FASN: variants seen among roughly 807,000 people sequenced by gnomAD.
FASN encodes 3-hydroxyacyl-[acyl-carrier-protein] dehydratase.
A neutral mutation model predicts 250.0 loss-of-function variants in FASN; 50 were observed. The ratio of observed to expected loss-of-function variants is 0.20; its 90% CI spans 0.16 to 0.25. The LOEUF (loss-of-function observed/expected upper bound fraction) is 0.25. Among genes scored for constraint, FASN ranks in the 10% least tolerant of loss-of-function variants. The probability of loss-of-function intolerance (pLI) is 1.00; values close to 1 mark genes in which losing one functional copy is unlikely to be tolerated. For missense variants in FASN, 3,031 were observed against 3,498.5 expected (o/e 0.87, Z 3.37); for synonymous variants, 1,909 against 1,584.0 (o/e 1.21, Z -4.87).
rs760239419 is a variant in FASN, at chr17:82,092,607, G to T, written c.895-18C>A. ...TCGCCCACCTGTGGGAAACATGGGG[G>T]GTGAGGGGCTCTGGCCAGGTCACCT... On this transcript the variant is annotated intron_variant, in intron 7 of 42. Transcript: ENST00000306749. The T allele has an allele frequency of 1.9e-6, 3 of 1,605,132 alleles. No homozygotes were observed. The highest frequency in any genetic ancestry group is 2.2e-5 in the East Asian group (1 of 44,860).
chr17:82,085,436 G>A, intron 23 of FASN, 34 bp from the exon 24 acceptor site: 1 of 1,600,062 alleles, frequency 6.2e-7, no homozygotes, highest in Non-Finnish European at 8.5e-7. Flanking sequence ...CTGCCCGCCT[G>A]GCCCTCACCC....
In FASN at chr17:82,082,159, C is replaced by A; in HGVS notation, c.6013G>T (p.Val2005Leu). The A allele has an allele frequency of 6.2e-7, 1 of 1,602,844 alleles. No homozygotes were observed. The highest frequency in any genetic ancestry group is 8.5e-7 in the Non-Finnish European group (1 of 1,179,920). The stretch of plus-strand genomic sequence containing the variant: ...AGCTCAGGGCACGCCTCTCGGGTCA[C>A]CCTGTGGGCACGCGTGTCACTCCCC... ...KYSGTLNLDR[V>L]TREACPELDY... is the part of the protein sequence containing the mutation. Residue 2005 changes from valine (V) to leucine (L), a missense_variant and splice_region_variant, in exon 36 of 43, where the codon GTG becomes TTG. Coordinates refer to ENST00000306749, the MANE Select transcript of FASN (RefSeq NM_004104.5).
In FASN at chr17:82,085,822, C is replaced by A; in HGVS notation, c.3782G>T (p.Ser1261Ile). 1.3e-6 allele frequency: 2 copies of A among 1,556,804 alleles called. No homozygotes were observed. Among genetic ancestry groups the A allele is most frequent in the African/African-American group, 1.3e-5 (1 of 74,132 alleles). ...GCTCAGCTGCAGCAGGGGATGGGGG[C>A]TGAGCAGGCCTGGGATGCGGGAATA... ...HLYSRIPGLL[S>I]PHPLLQLSYT... Residue 1261 changes from serine to isoleucine, a missense_variant, in exon 23 of 43, where the codon AGC becomes ATC. Transcript: ENST00000306749.
At chr17:82,095,055 C>CCCAGCA (rs2034280626) in intron 3 of FASN, among the ~76,000 whole-genome samples, 2 of 152,188 alleles carry the variant, frequency 1.3e-5, no homozygotes, top group African/African-American at 2.4e-5. Flanking sequence ...CGGCCCCGGC[C>CCCAGCA]CCAGCACCAG....
chr17:82,094,384 G>C (rs1458185054), intron 3 of FASN, among the ~76,000 whole-genome samples: 3 of 151,834 alleles, frequency 2.0e-5, no homozygotes, highest in Admixed American at 2.0e-4. Context: ...TGGTGGGCTG[G>C]CTCTGCCCTA....
chr17:82,087,900 G>T (rs369288933), intron 18 of FASN, 39 bp from the exon 19 acceptor site: 10 of 1,611,966 alleles, frequency 6.2e-6, no homozygotes, highest in African/African-American at 1.3e-5. Context: ...GAGGACGGGC[G>T]GCATGGCCAG....
At chr17:82,098,032 C>A in intron 1 of FASN, 89 bp downstream of exon 1, 1 of 314,870 alleles carries the variant, frequency 3.2e-6, no homozygotes, top group Non-Finnish European at 5.8e-6. Context: ...GCCCCGAGAG[C>A]GGAGGATGAG....
At position 82,092,901 on chromosome 17, in the gene FASN, C is replaced by T. The variant is rs535821903; in HGVS notation, c.774G>A (p.Glu258=). 3.0e-5 allele frequency: 48 copies of T among 1,601,844 alleles called. No homozygotes were observed. The highest frequency in any genetic ancestry group is 2.7e-4 in the East Asian group (12 of 44,418). The change falls in exon 6 of 43, where the codon GAG becomes GAA. Residue 258 remains glutamate (E), a synonymous_variant. Transcript: ENST00000306749. ...CGGAACCCCGGCAGAGCCCACCTTGCTCCTTGAAGCCATCTGTATTGGTGC... is the reference window on the plus strand; with the variant it reads ...CGGAACCCCGGCAGAGCCCACCTTGTTCCTTGAAGCCATCTGTATTGGTGC... ...NAGTNTDGFK[E]QGVTFPSGDI... is the part of the protein sequence containing the mutation.
In FASN at chr17:82,085,084, C is replaced by T; in HGVS notation, c.4360G>A (p.Val1454Met). 6.2e-7 allele frequency: 1 copy of T among 1,612,576 alleles called. No individual in the cohort carries two copies. The highest frequency in any genetic ancestry group is 8.5e-7 in the Non-Finnish European group (1 of 1,179,862). The change falls in exon 25 of 43, where the codon GTG becomes ATG. Residue 1454 changes from valine to methionine, a missense_variant. Val to Met is a conservative substitution (Grantham distance 21, BLOSUM62 1). Transcript: ENST00000306749. ...CGGCGGAGACAGTTCACCAAGCCCA[C>T]CACGCCCGAGGTGGCACAGTTGATG... ...KAINCATSGV[V>M]GLVNCLRREP... is the part of the protein sequence containing the mutation.
At chr17:82,081,491 TG>T (rs2144781391) in intron 37 of FASN, 109 bp downstream of exon 37, 1 of 1,589,076 alleles carries the variant, frequency 6.3e-7, no homozygotes, top group South Asian at 1.1e-5. Context: ...GCCCGCACCC[TG>T]GCTCTGCAGA....
Position 82,095,360 on chromosome 17 carries a change from C to T in FASN, c.240G>A (p.Arg80=). 6.2e-7 allele frequency: 1 copy of T among 1,612,974 alleles called. No individual in the cohort carries two copies. Among genetic ancestry groups the T allele is most frequent in the Non-Finnish European group, 8.5e-7 (1 of 1,180,030 alleles). Residue 80 remains arginine, a synonymous_variant, in exon 3 of 43, where the codon CGG becomes CGA. Transcript: ENST00000306749. ...CTTCATAGGTGACTTCCAGCAGCAG[C>T]CGCAGCTGAGGGTCCATCGTGTGTG... The part of the protein sequence containing the change: ...KQAHTMDPQL[R]LLLEVTYEAI...
At chr17:82,097,007 AC>A (rs2034316060) in intron 1 of FASN, 1 of 209,618 alleles carries the variant, frequency 4.8e-6, no homozygotes, top group Non-Finnish European at 9.9e-6. Context: ...ACCCATGCTC[AC>A]CCGTGTTGGG....
rs1217807829 is a variant in FASN, at chr17:82,088,002, C to T, written c.2818G>A (p.Ala940Thr). ...TVSLEVRLLE[A>T]SRAFEVSENG... ...TCTGACACCTCGAAGGCACGGGAGG[C>T]CTCCAGGAGCCGTACCTCCAGGGAC... Residue 940 changes from alanine (A) to threonine (T), a missense_variant, in exon 18 of 43, where the codon GCC becomes ACC. Physicochemically the swap from Ala to Thr is moderately conservative, Grantham distance 58. Transcript: ENST00000306749. 3 of 1,612,774 alleles carry T rather than the reference C, an allele frequency of 1.9e-6. No individual in the cohort carries two copies. Among genetic ancestry groups the T allele is most frequent in the Non-Finnish European group, 2.5e-6 (3 of 1,179,964 alleles).
At chr17:82,084,745 C>A in intron 26 of FASN, 29 bp from the exon 27 acceptor site, 1 of 1,550,116 alleles carries the variant, frequency 6.5e-7, no homozygotes, top group African/African-American at 1.4e-5. Flanking sequence ...GGGGCTGCTG[C>A]GGGGCCTTCG....
intron 34 of FASN, 46 bp downstream of exon 34, chr17:82,082,481 C>T: frequency 6.2e-7 from 1 of 1,611,226 alleles, no homozygotes; most frequent in Non-Finnish European, 8.5e-7. Flanking sequence ...GGGTCCCCCC[C>T]TTGGTCTTGG....
chr17:82,089,203 G>A, intron 13 of FASN, 31 bp from the exon 14 acceptor site: 2 of 1,604,220 alleles, frequency 1.2e-6, no homozygotes. Flanking sequence ...GTGCTGGGTT[G>A]TGGGTCCCCT....
intron 12 of FASN, 34 bp downstream of exon 12, chr17:82,089,598 G>A (rs774728441): frequency 1.3e-6 from 2 of 1,566,696 alleles, no homozygotes; most frequent in African/African-American, 1.4e-5. Flanking sequence ...CAGGCGCAGG[G>A]GACAGAGGAG....
rs1458728714 is a variant in FASN, at chr17:82,088,156, C to T, written c.2745G>A (p.Glu915=). 1.2e-6 allele frequency: 2 copies of T among 1,612,810 alleles called. No individual in the cohort carries two copies. The highest frequency in any genetic ancestry group is 1.7e-6 in the Non-Finnish European group (2 of 1,179,988). The part of the protein sequence containing the change: ...LGVEQLPVVF[E]DVVLHQATIL... ...TGGTGGCCTGGTGCAGCACCACATCCTCAAACACCACAGGCAGCTGCTCGA... is the reference window on the plus strand; with the variant it reads ...TGGTGGCCTGGTGCAGCACCACATCTTCAAACACCACAGGCAGCTGCTCGA... Residue 915 remains glutamate, a synonymous_variant, in exon 17 of 43, where the codon GAG becomes GAA. Transcript: ENST00000306749.
intron 8 of FASN, 150 bp from the exon 9 acceptor site, chr17:82,091,834 G>A: frequency 1.3e-6 from 1 of 758,416 alleles, no homozygotes; most frequent in Non-Finnish European, 2.1e-6. Flanking sequence ...ATTCTGCCAT[G>A]GCACAGGGGT....
Sources: gnomAD v4.1 joint callset for allele counts (sites outside exome capture counted in the v4.1 genomes callset) on GRCh38, gnomAD v4.1.1 for gene constraint, MANE v1.5 for transcripts, NCBI Gene and HGNC (gene_info 2026-07-23, HGNC 2026-07-21) for gene names.